The following UPK1A variants were observed in gnomAD, a reference collection of about 807,000 sequenced individuals.
The protein encoded by UPK1A is uroplakin 1A.
A neutral mutation model predicts 32.3 loss-of-function variants in UPK1A; 31 were observed. The observed-to-expected ratio is 0.96, with a 90% CI of 0.72 to 1.30. The LOEUF is 1.30. Among genes scored for constraint, UPK1A ranks in the 50% most tolerant of loss-of-function variants. UPK1A has a pLI of 0.00. For synonymous variants in UPK1A, 135 were observed against 137.1 expected (o/e 0.98, Z 0.11); for missense variants, 340 against 357.4 (o/e 0.95, Z 0.39).
chr19:35,671,844 A>G (rs1968106568), intron 3 of UPK1A, among the ~76,000 whole-genome samples: 1 of 152,046 alleles, frequency 6.6e-6, no homozygotes, highest in South Asian at 2.1e-4. Context: ...TGATTTCAAC[A>G]ACATCAGCTG....
At chr19:35,673,200 C>A (rs199987553) in intron 3 of UPK1A, 32 bp from the exon 4 acceptor site, 1 of 1,610,676 alleles carries the variant, frequency 6.2e-7, no homozygotes, top group South Asian at 1.1e-5. Context: ...ACGGGCTCTG[C>A]CCGACGGGCC....
intron 3 of UPK1A, among the ~76,000 whole-genome samples, chr19:35,671,872 T>A (rs538659495): frequency 6.6e-6 from 1 of 152,274 alleles, no homozygotes; most frequent in African/African-American, 2.4e-5. Context: ...CCCGACATTG[T>A]CTCCTCTATC....
chr19:35,667,474 A>G (rs937938107), intron 2 of UPK1A, among the ~76,000 whole-genome samples: 7 of 150,806 alleles, frequency 4.6e-5, no homozygotes, highest in African/African-American at 1.7e-4. Context: ...CTGGGATTAC[A>G]GGCGCACACC....
intron 3 of UPK1A, among the ~76,000 whole-genome samples, chr19:35,670,692 C>A (rs1968080336): frequency 9.1e-6 from 1 of 109,772 alleles, no homozygotes. Flanking sequence ...CTCCCTCCCT[C>A]CCTCCCTCCC....
rs561110039 is a variant in UPK1A at position 35,673,307 on chromosome 19, G to T, written c.360+1G>T. 3 of 1,613,860 alleles carry T rather than the reference G, an allele frequency of 1.9e-6. No individual in the cohort carries two copies. The highest frequency in any genetic ancestry group is 1.3e-5 in the African/African-American group (1 of 74,924). On this transcript the variant is annotated splice_donor_variant, in intron 4 of 7. Transcript: ENST00000617999. LOFTEE classifies it high-confidence loss of function. ...CACGTCCTACACCCACCGTGACTACGTGAGCCCGGCGAGGCCTGGGGAGGG... is the reference window on the plus strand; with the variant it reads ...CACGTCCTACACCCACCGTGACTACTTGAGCCCGGCGAGGCCTGGGGAGGG...
At chr19:35,675,605 G>A (rs1002496030) in intron 5 of UPK1A, among the ~76,000 whole-genome samples, 3 of 152,104 alleles carry the variant, frequency 2.0e-5, no homozygotes, top group African/African-American at 7.2e-5. Context: ...TAAGTCAGAG[G>A]TGCAGGTTTA....
At chr19:35,668,293 C>T in intron 2 of UPK1A, 161 bp from the exon 3 acceptor site, 1 of 833,882 alleles carries the variant, frequency 1.2e-6, no homozygotes, top group East Asian at 2.7e-5. Context: ...CTCTCCTGGC[C>T]TCTGCTCACC....
chr19:35,670,528 C>T (rs1390383744), intron 3 of UPK1A, among the ~76,000 whole-genome samples: 1 of 76,948 alleles, frequency 1.3e-5, no homozygotes. Flanking sequence ...CCTCTCCCCT[C>T]CCCTCCCCTC....
At chr19:35,674,428 A>G (rs1481667181) in intron 5 of UPK1A, among the ~76,000 whole-genome samples, 1 of 151,558 alleles carries the variant, frequency 6.6e-6, no homozygotes, top group East Asian at 2.0e-4. Context: ...TTGTATTTTT[A>G]GTAGAGATGG....
chr19:35,669,945 C>T (rs1370478877), intron 3 of UPK1A, among the ~76,000 whole-genome samples: 5 of 152,260 alleles, frequency 3.3e-5, no homozygotes, highest in East Asian at 1.9e-4. Flanking sequence ...CTGAGCCCTA[C>T]GCTGGGCACT....
intron 3 of UPK1A, among the ~76,000 whole-genome samples, chr19:35,670,726 G>C (rs1168511786): frequency 2.5e-5 from 2 of 80,466 alleles, no homozygotes; most frequent in African/African-American, 1.0e-4. Context: ...TCCTTTCTTT[G>C]TTTCTCTAGA....
chr19:35,675,375 G>A (rs961622757), intron 5 of UPK1A, among the ~76,000 whole-genome samples: 10 of 151,930 alleles, frequency 6.6e-5, no homozygotes, highest in African/African-American at 1.7e-4. Context: ...GCCACCTCCC[G>A]GATTCAAGCA....
exon 3 of UPK1A, chr19:35,668,558 T>A (rs1968036808): frequency 6.2e-7 from 1 of 1,614,060 alleles, no homozygotes; most frequent in African/African-American, 1.3e-5. Context: ...TCTTCGCTGG[T>A]GCCTGGATTG....
intron 2 of UPK1A, among the ~76,000 whole-genome samples, chr19:35,667,318 TTTGTTTTG>T (rs1338397606): frequency 1.8e-5 from 1 of 54,960 alleles, no homozygotes; most frequent in Non-Finnish European, 3.1e-5. Flanking sequence ...TTTGTTTTGT[TTTGTTTTG>T]TTTTGTTTTG....
chr19:35,676,301 C>T, intron 6 of UPK1A: 1 of 582,188 alleles, frequency 1.7e-6, no homozygotes, highest in Non-Finnish European at 3.2e-6. Flanking sequence ...AGGGATTCTC[C>T]CACCTCAGCT....
intron 3 of UPK1A, among the ~76,000 whole-genome samples, chr19:35,670,271 A>G (rs764291716): frequency 3.6e-4 from 55 of 152,232 alleles, no homozygotes; most frequent in Middle Eastern, 3.4e-3. Flanking sequence ...GGAGGAGAAC[A>G]GTGAGGAATG....
chr19:35,666,913 T>A lies in UPK1A; in HGVS notation c.84+17T>A. ...ATTATTCTGGTGAGACTCGCCCCAGTGCTGGGAGCCGAGTGGTTGTGTGGT... is the reference window on the plus strand; with the variant it reads ...ATTATTCTGGTGAGACTCGCCCCAGAGCTGGGAGCCGAGTGGTTGTGTGGT... On this transcript the variant is annotated intron_variant, in intron 2 of 7. Transcript: ENST00000617999. The A allele has an allele frequency of 6.2e-7, 1 of 1,613,512 alleles. No individual in the cohort carries two copies. Among genetic ancestry groups the A allele is most frequent in the Non-Finnish European group, 8.5e-7 (1 of 1,179,656 alleles).
At chr19:35,674,363 CAGCCTCCCGAAT>C (rs1334266117) in intron 5 of UPK1A, among the ~76,000 whole-genome samples, 23 of 150,594 alleles carry the variant, frequency 1.5e-4, no homozygotes, top group Non-Finnish European at 8.8e-5. Context: ...TCTCCTGCCT[CAGCCTCCCGAAT>C]AGCTGGGACT....
chr19:35,671,887 T>G (rs1968107313), intron 3 of UPK1A, among the ~76,000 whole-genome samples: 2 of 152,098 alleles, frequency 1.3e-5, no homozygotes, highest in African/African-American at 4.8e-5. Context: ...TCTATCCCCC[T>G]TCTCTCATAC....
Sources: allele counts gnomAD v4.1 joint callset (sites outside exome capture counted in the v4.1 genomes callset), GRCh38; gene constraint gnomAD v4.1.1; transcripts MANE v1.5; gene names NCBI Gene and HGNC (gene_info 2026-07-23, HGNC 2026-07-21).